The following FLNC variants were observed in gnomAD, a reference collection of about 807,000 sequenced individuals.
FLNC encodes filamin C, also known as filamin-C.
In FLNC, 91 loss-of-function variants were observed where a neutral mutation model predicts 254.3. The ratio of observed to expected loss-of-function variants is 0.36; its 90% CI spans 0.30 to 0.43. FLNC has a LOEUF of 0.43. Ranked by LOEUF, FLNC falls within the 20% of genes least tolerant of loss-of-function variation. The probability of loss-of-function intolerance (pLI) is 1.00; values close to 1 mark genes in which losing one functional copy is unlikely to be tolerated. For missense variants in FLNC, 2,853 were observed against 3,802.6 expected (o/e 0.75, Z 6.57); for synonymous variants, 1,430 against 1,577.2 (o/e 0.91, Z 2.21).
At chr7:128,850,707 G>A (rs1260321890) in intron 32 of FLNC, 96 bp from the exon 33 acceptor site, 8 of 1,561,442 alleles carry the variant, frequency 5.1e-6, no homozygotes, top group African/African-American at 1.4e-5. Context: ...CTGGCTTCTC[G>A]GGTGGCAGCA....
Position 128,843,535 on chromosome 7 carries a change from C to A in FLNC, c.2769C>A (p.Asn923Lys). 6 of 1,613,914 alleles carry A rather than the reference C, an allele frequency of 3.7e-6. No individual in the cohort carries two copies. The highest frequency in any genetic ancestry group is 5.1e-6 in the Non-Finnish European group (6 of 1,180,020). Reference sequence around the variant, plus strand: ...TGCGGGACTTTGAGATCATAGACAACCATGACTACTCCTACACTGTCAAGT... The same window carrying A: ...TGCGGGACTTTGAGATCATAGACAAACATGACTACTCCTACACTGTCAAGT... ...EVVRDFEIID[N>K]HDYSYTVKYT... Residue 923 changes from asparagine (N) to lysine (K), a missense_variant, in exon 18 of 48, where the codon AAC becomes AAA. Physicochemically the swap from Asn to Lys is moderately conservative, Grantham distance 94. Coordinates refer to ENST00000325888, the MANE Select transcript of FLNC (RefSeq NM_001458.5).
At position 128,848,826 on chromosome 7, in the gene FLNC, C is replaced by T. The variant is rs576453637; in HGVS notation, c.4771C>T (p.Arg1591Trp). Residue 1591 changes from arginine (R) to tryptophan (W), a missense_variant, in exon 28 of 48, where the codon CGG becomes TGG. This residue lies in a region of FLNC where 1,573 missense variants were observed against 1,883.5 expected (regional missense o/e 0.84). Transcript: ENST00000325888. Reference protein sequence around the residue: ...PEGKPKKANIRDNGDGTYTVS... With the variant: ...PEGKPKKANIWDNGDGTYTVS... ...GGGTAAGCCCAAGAAGGCCAACATC[C>T]GGGACAATGGGGATGGCACGTACAC... 6.3e-5 allele frequency: 101 copies of T among 1,614,186 alleles called. No homozygotes were observed. The highest frequency in any genetic ancestry group is 8.3e-5 in the Admixed American group (5 of 60,032).
At chr7:128,849,947 C>A in intron 30 of FLNC, 29 bp from the exon 31 acceptor site, 4 of 1,492,162 alleles carry the variant, frequency 2.7e-6, no homozygotes, top group Non-Finnish European at 3.7e-6. Flanking sequence ...GGCTGCCACA[C>A]CCTGTGCCCC....
At position 128,842,837 on chromosome 7, in the gene FLNC, C is replaced by T. The variant is rs999873660; in HGVS notation, c.2433C>T (p.Gly811=). The T allele has an allele frequency of 6.2e-7, 1 of 1,613,926 alleles. No homozygotes were observed. Among genetic ancestry groups the T allele is most frequent in the South Asian group, 1.1e-5 (1 of 91,086 alleles). ...IGIKCAPGVV[G]PAEADIDFDI... is the part of the protein sequence containing the mutation. ...TCAAGTGCGCCCCAGGCGTGGTGGGCCCTGCAGAGGCTGACATTGACTTCG... is the reference window on the plus strand; with the variant it reads ...TCAAGTGCGCCCCAGGCGTGGTGGGTCCTGCAGAGGCTGACATTGACTTCG... The change falls in exon 16 of 48, where the codon GGC becomes GGT. Residue 811 remains glycine (G), a synonymous_variant. Transcript: ENST00000325888. This position sits in a 1 kb window ranked among gnomAD's most constrained non-coding sequence, Gnocchi z 5.4.
Position 128,849,353 on chromosome 7 carries a change from C to A in FLNC, c.4974C>A (p.Ile1658=). 1 of 1,614,092 alleles carries A rather than the reference C, an allele frequency of 6.2e-7. No individual in the cohort carries two copies. Among genetic ancestry groups the A allele is most frequent in the Non-Finnish European group, 8.5e-7 (1 of 1,180,028 alleles). ...CAGGTGCCTGCCTGGGCCCTCGAAT[C>A]CAGATTGGGCAGGAGACGGTGATCA... ...HGLGACLGPR[I]QIGQETVITV... is the part of the protein sequence containing the mutation. Residue 1658 remains isoleucine, a synonymous_variant, in exon 30 of 48, where the codon ATC becomes ATA. Transcript: ENST00000325888.
chr7:128,830,485 T>TCGCCGAGCCC lies in FLNC; in HGVS notation c.-148_-139dup. 5.9e-6 allele frequency: 4 copies of TCGCCGAGCCC among 674,200 alleles called. No homozygotes were observed. Among genetic ancestry groups the TCGCCGAGCCC allele is most frequent in the Non-Finnish European group, 1.0e-5 (4 of 399,750 alleles). The allele number at this position is 674,200 out of a possible 1,614,324, so 41.8% of individuals were successfully genotyped here. A position where few individuals can be genotyped will look rare whatever the true frequency, so the allele number is the denominator to read the frequency against. ...GAGCGCCTAGGAGGCCCGCCGAGCC[T>TCGCCGAGCCC]CGCCGAGCCCCGCCAGCCCCGGCGC... On this transcript the variant is annotated 5_prime_UTR_variant, in exon 1 of 48. Coordinates refer to ENST00000325888, the MANE Select transcript of FLNC (RefSeq NM_001458.5).
intron 43 of FLNC, 63 bp downstream of exon 43, chr7:128,855,377 C>A: frequency 9.4e-7 from 1 of 1,065,490 alleles, no homozygotes; most frequent in South Asian, 1.3e-5. Context: ...GAGTTGAGGA[C>A]AGCAGGTCCA....
rs1350972225 is a variant in FLNC, at chr7:128,840,032, C to G, written c.1421C>G (p.Pro474Arg). The change falls in exon 9 of 48, where the codon CCC (proline) becomes CGC (arginine). Residue 474 changes from proline to arginine, a missense_variant. Pro to Arg is a moderately radical substitution (Grantham distance 103). Around this residue, in one of 10 missense-constraint regions of FLNC, gnomAD observed 1,573 missense variants for 1,883.5 expected, o/e 0.84. Transcript: ENST00000325888. ...FPVHVSEACN[P>R]NACRASGRGL... ...TCTCTTCCTCCCCTAGCCTGTAACCCCAACGCCTGCCGCGCCTCTGGGCGA... is the reference window on the plus strand; with the variant it reads ...TCTCTTCCTCCCCTAGCCTGTAACCGCAACGCCTGCCGCGCCTCTGGGCGA... 1.9e-6 allele frequency: 3 copies of G among 1,613,652 alleles called. No individual in the cohort carries two copies. The highest frequency in any genetic ancestry group is 2.2e-5 in the South Asian group (2 of 91,082).
intron 43 of FLNC, among the ~76,000 whole-genome samples, chr7:128,855,558 C>T (rs752022964): frequency 6.6e-6 from 1 of 152,250 alleles, no homozygotes; most frequent in Non-Finnish European, 1.5e-5. Flanking sequence ...GCCTGTCCTA[C>T]TGCCACCTGC....
rs1808686843 is a variant in FLNC at position 128,848,939 on chromosome 7, C to G, written c.4884C>G (p.Ile1628Met). Reference sequence around the variant, plus strand: ...AGATCCCCTACTCGCCCTTCCGCATCCATGCTCTGCCCACTGGGGATGCCA... The same window carrying G: ...AGATCCCCTACTCGCCCTTCCGCATGCATGCTCTGCCCACTGGGGATGCCA... Reference protein sequence around the residue: ...GDEIPYSPFRIHALPTGDASK... With the variant: ...GDEIPYSPFRMHALPTGDASK... Residue 1628 changes from isoleucine to methionine, a missense_variant, in exon 28 of 48, where the codon ATC becomes ATG. Physicochemically the swap from Ile to Met is conservative, Grantham distance 10 (BLOSUM62 1). Coordinates refer to ENST00000325888, the MANE Select transcript of FLNC (RefSeq NM_001458.5). 6.2e-7 allele frequency: 1 copy of G among 1,613,654 alleles called. No individual in the cohort carries two copies. The highest frequency in any genetic ancestry group is 8.5e-7 in the Non-Finnish European group (1 of 1,179,968).
At chr7:128,832,754 G>A (rs1016726294) in intron 1 of FLNC, among the ~76,000 whole-genome samples, 6 of 152,204 alleles carry the variant, frequency 3.9e-5, no homozygotes, top group African/African-American at 9.6e-5. Context: ...GCTCACTGGC[G>A]CTGATGAGAT....
Position 128,858,164 on chromosome 7 carries a change from C to G in FLNC, c.7937C>G (p.Ser2646Cys). 6.3e-7 allele frequency: 1 copy of G among 1,594,654 alleles called. No homozygotes were observed. The highest frequency in any genetic ancestry group is 8.6e-7 in the Non-Finnish European group (1 of 1,162,954). ...SKVVTRGPGLSQAFVGQKNSF... is the reference protein window; with the variant it reads ...SKVVTRGPGLCQAFVGQKNSF... ...GTGGTGACTCGGGGCCCTGGGCTGT[C>G]CCAGGCCTTCGTGGGCCAGAAGAAC... Residue 2646 changes from serine (S) to cysteine (C), a missense_variant, in exon 47 of 48, where the codon TCC becomes TGC. This residue lies in a region of FLNC where 197 missense variants were observed against 351.5 expected (regional missense o/e 0.56). Transcript: ENST00000325888. This position sits in a 1 kb window ranked among gnomAD's most constrained non-coding sequence, Gnocchi z 6.7.
In FLNC at chr7:128,844,154, G is replaced by A. The variant is rs904161285; in HGVS notation, c.3080G>A (p.Arg1027His). ...PGGGAEAQAV[R>H]YMPPEEGPYK... ...GGTGGAGCGGAAGCCCAGGCTGTGCGCTACATGCCCCCGGAGGAGGGGCCC... is the reference window on the plus strand; with the variant it reads ...GGTGGAGCGGAAGCCCAGGCTGTGCACTACATGCCCCCGGAGGAGGGGCCC... The change falls in exon 20 of 48, where the codon CGC becomes CAC. Residue 1027 changes from arginine (R) to histidine (H), a missense_variant. Physicochemically the swap from Arg to His is conservative, Grantham distance 29. Around this residue, in one of 10 missense-constraint regions of FLNC, gnomAD observed 1,573 missense variants for 1,883.5 expected, o/e 0.84. Transcript: ENST00000325888. 1.4e-5 allele frequency: 22 copies of A among 1,613,796 alleles called. No homozygotes were observed. The highest frequency in any genetic ancestry group is 2.2e-5 in the South Asian group (2 of 91,086).
At chr7:128,854,266 G>T (rs777289045) in intron 40 of FLNC, 50 bp downstream of exon 40, 1 of 1,604,140 alleles carries the variant, frequency 6.2e-7, no homozygotes, top group Non-Finnish European at 8.5e-7. Flanking sequence ...GGATGGGAGG[G>T]TGCTGCGGAC....
chr7:128,842,518 G>A lies in FLNC; in HGVS notation c.2266-57G>A. ...CACTGAGGCTGGGCCGGGTGCGCTG[G>A]GCAGGAGGATGAGCCTTGAGGGAGG... is the stretch of plus-strand genomic sequence containing the variant. On this transcript the variant is annotated intron_variant, in intron 14 of 47. Coordinates refer to ENST00000325888, the MANE Select transcript of FLNC (RefSeq NM_001458.5). This position sits in a 1 kb window ranked among gnomAD's most constrained non-coding sequence, Gnocchi z 5.4. 3.2e-6 allele frequency: 5 copies of A among 1,551,858 alleles called. No homozygotes were observed. Among genetic ancestry groups the A allele is most frequent in the Non-Finnish European group, 1.7e-6 (2 of 1,148,018 alleles).
intron 30 of FLNC, 108 bp downstream of exon 30, chr7:128,849,686 G>A: frequency 7.0e-7 from 1 of 1,433,296 alleles, no homozygotes; most frequent in Non-Finnish European, 9.6e-7. Context: ...CCACTTCTCT[G>A]AGGGCTCCTG....
intron 32 of FLNC, 70 bp from the exon 33 acceptor site, chr7:128,850,733 A>C: frequency 6.2e-7 from 1 of 1,607,390 alleles, no homozygotes; most frequent in Non-Finnish European, 8.5e-7. Flanking sequence ...ACTCAGGACC[A>C]GGCCTGGGAC....
chr7:128,845,249 C>T lies in FLNC; in HGVS notation c.3784C>T (p.Pro1262Ser). 6.2e-7 allele frequency: 1 copy of T among 1,612,578 alleles called. No homozygotes were observed. Among genetic ancestry groups the T allele is most frequent in the Non-Finnish European group, 8.5e-7 (1 of 1,179,260 alleles). ...CAAGGTCTCAGGGCCTGGTGTTGAG[C>T]CACACGGTGAGTGGACAGGAGGAGC... ...GVKVSGPGVE[P>S]HGVLREVTTE... The change falls in exon 21 of 48, where the codon CCA (proline) becomes TCA (serine). Residue 1262 changes from proline (P) to serine (S), a missense_variant. This residue lies in a region of FLNC where 1,573 missense variants were observed against 1,883.5 expected (regional missense o/e 0.84). Coordinates refer to ENST00000325888, the MANE Select transcript of FLNC (RefSeq NM_001458.5).
chr7:128,858,409 G>C lies in FLNC; in HGVS notation c.8064G>C (p.Gly2688=). The C allele has an allele frequency of 6.2e-7, 1 of 1,605,312 alleles. No homozygotes were observed. The highest frequency in any genetic ancestry group is 1.1e-5 in the South Asian group (1 of 90,740). The change falls in exon 48 of 48, where the codon GGG becomes GGC. Residue 2688 remains glycine, a synonymous_variant. Coordinates refer to ENST00000325888, the MANE Select transcript of FLNC (RefSeq NM_001458.5). This position sits in a 1 kb window ranked among gnomAD's most constrained non-coding sequence, Gnocchi z 6.7. ...PCEEVYVKHM[G]NRVYNVTYTV... is the part of the protein sequence containing the mutation. The stretch of plus-strand genomic sequence containing the variant: ...AGGAGGTGTACGTGAAGCACATGGG[G>C]AACCGGGTGTACAATGTCACCTACA...
Sources: gnomAD v4.1 joint callset for allele counts (sites outside exome capture counted in the v4.1 genomes callset) on GRCh38, gnomAD v4.1.1 for gene constraint, gnomAD v4.1.1 regional missense constraint, Gnocchi (gnomAD v3.1) non-coding constraint, MANE v1.5 for transcripts, NCBI Gene and HGNC (gene_info 2026-07-23, HGNC 2026-07-21) for gene names.